Variants in NLRC4 observed in about 807,000 individuals in gnomAD.
NLRC4 encodes NLR family CARD domain containing 4.
Under a neutral mutation model 79.9 loss-of-function variants are expected in NLRC4, and 63 were observed. That is an observed-to-expected ratio of 0.79 (90% CI 0.64 to 0.97). The LOEUF is 0.97. Among genes scored for constraint, NLRC4 ranks in the 50% least tolerant of loss-of-function variants. NLRC4 has a pLI of 0.00. For missense variants in NLRC4, 1,074 were observed against 1,215.2 expected (o/e 0.88, Z 1.73); for synonymous variants, 461 against 456.5 (o/e 1.01, Z -0.12).
In NLRC4 at chr2:32,250,607, A is replaced by T. The variant is rs1192407746; in HGVS notation, c.1257T>A (p.Asp419Glu). ...AGAGGAGCCCAGTTGTCAGCAGGAC[A>T]TCCTCATTCACGCTGGACACATCCT... is the stretch of plus-strand genomic sequence containing the variant. Reference protein sequence around the residue: ...ELQDVSSVNEDVLLTTGLLCK... With the variant: ...ELQDVSSVNEEVLLTTGLLCK... The change falls in exon 4 of 9, where the codon GAT (aspartate) becomes GAA (glutamate). Residue 419 changes from aspartate (D) to glutamate (E), a missense_variant. Asp to Glu is a conservative substitution (Grantham distance 45). Coordinates refer to ENST00000402280, the MANE Select transcript of NLRC4 (RefSeq NM_001199138.2). The surrounding 1 kb of genome is among the most constrained non-coding windows in gnomAD (Gnocchi z 4.9). The T allele has an allele frequency of 1.2e-6, 2 of 1,614,194 alleles. No individual in the cohort carries two copies. Among genetic ancestry groups the T allele is most frequent in the Non-Finnish European group, 1.7e-6 (2 of 1,180,018 alleles).
chr2:32,263,939 C>T (rs1039429004), intron 1 of NLRC4, among the ~76,000 whole-genome samples: 2 of 152,130 alleles, frequency 1.3e-5, no homozygotes, highest in Non-Finnish European at 2.9e-5. Context: ...CCTCTCAAAG[C>T]CAGGCTGCAA....
chr2:32,236,428 T>C, intron 6 of NLRC4, 89 bp from the exon 7 acceptor site: 1 of 744,790 alleles, frequency 1.3e-6, no homozygotes, highest in Admixed American at 2.8e-5. Flanking sequence ...CTGAGTTTTA[T>C]CTTCTCTGCT....
In NLRC4 at chr2:32,252,474, A is replaced by G. The variant is rs780364474; in HGVS notation, c.207T>C (p.Phe69=). 2.0e-5 allele frequency: 33 copies of G among 1,610,996 alleles called. No homozygotes were observed. In the South Asian group the frequency reaches 3.5e-4, roughly 17 times the overall value. Residue 69 remains phenylalanine, a synonymous_variant, in exon 3 of 9, where the codon TTT becomes TTC. Transcript: ENST00000402280. The stretch of plus-strand genomic sequence containing the variant: ...AGTTCCACTCCTTAAGGGATTTAAG[A>G]AAGAGGTTACAGGACTCTGAACCCT... ...LKKGSESCNL[F]LKSLKEWNYP...
chr2:32,249,526 T>G, intron 4 of NLRC4, 81 bp downstream of exon 4: 1 of 1,133,650 alleles, frequency 8.8e-7, no homozygotes. Flanking sequence ...AGAAATAAAG[T>G]CTCCTCTCTC....
intron 6 of NLRC4, 71 bp downstream of exon 6, chr2:32,238,061 T>G: frequency 9.4e-7 from 1 of 1,065,236 alleles, no homozygotes; most frequent in Non-Finnish European, 1.3e-6. Context: ...AGACATTTAG[T>G]GTGAATTAGT....
chr2:32,241,551 T>G (rs906076149), intron 4 of NLRC4, among the ~76,000 whole-genome samples: 1 of 151,928 alleles, frequency 6.6e-6, no homozygotes, highest in East Asian at 1.9e-4. Context: ...TAATTTTTTT[T>G]GTATTTTTAG....
rs758721595 is a variant in NLRC4, at chr2:32,250,385, G to A, written c.1479C>T (p.Tyr493=). Residue 493 remains tyrosine (Y), a synonymous_variant, in exon 4 of 9, where the codon TAC becomes TAT. Coordinates refer to ENST00000402280, the MANE Select transcript of NLRC4 (RefSeq NM_001199138.2). The surrounding 1 kb of genome is among the most constrained non-coding windows in gnomAD (Gnocchi z 4.9). ...ITSTYSSLLR[Y]TCGSSVEATR... ...TGGCTTCCACAGATGACCCACAGGT[G>A]TACCGGAGCAGGCTGCTATAAGTGG... 4.3e-6 allele frequency: 7 copies of A among 1,614,078 alleles called. No individual in the cohort carries two copies. In the East Asian group the frequency reaches 1.3e-4, roughly 31 times the overall value.
chr2:32,240,790 G>A (rs781570232), intron 5 of NLRC4, among the ~76,000 whole-genome samples: 1 of 152,128 alleles, frequency 6.6e-6, no homozygotes, highest in Non-Finnish European at 1.5e-5. Flanking sequence ...CAGGGAGACG[G>A]AAGTTAAAAA....
intron 8 of NLRC4, among the ~76,000 whole-genome samples, 200 bp downstream of exon 8, chr2:32,235,201 G>T (rs544797165): frequency 6.6e-6 from 1 of 152,056 alleles, no homozygotes; most frequent in African/African-American, 2.4e-5. Flanking sequence ...ATTTAATTCT[G>T]TAGGTAAAGG....
chr2:32,240,319 G>C (rs573314618), intron 5 of NLRC4, among the ~76,000 whole-genome samples: 1 of 151,214 alleles, frequency 6.6e-6, no homozygotes, highest in Non-Finnish European at 1.5e-5. Context: ...GTTGTCTTTC[G>C]GCAGGAAGCA....
intron 1 of NLRC4, among the ~76,000 whole-genome samples, chr2:32,261,316 C>CCTTTTTTTTTTTTTTTTTT: frequency 5.2e-5 from 5 of 96,884 alleles, no homozygotes; most frequent in African/African-American, 1.2e-4. Flanking sequence ...AGCCTCCCCC[C>CCTTTTTTTTTTTTTTTTTT]TTTTGTTTTT....
chr2:32,242,905 A>G (rs574094747), intron 4 of NLRC4, among the ~76,000 whole-genome samples: 1 of 152,080 alleles, frequency 6.6e-6, no homozygotes, highest in South Asian at 2.1e-4. Flanking sequence ...TAAATTACCC[A>G]GGTGTGGTGG....
chr2:32,253,191 C>G (rs1687122548), intron 2 of NLRC4, among the ~76,000 whole-genome samples: 1 of 151,634 alleles, frequency 6.6e-6, no homozygotes, highest in African/African-American at 2.4e-5. Flanking sequence ...GCTGTGTCAC[C>G]CAGGCTGGAG....
intron 8 of NLRC4, among the ~76,000 whole-genome samples, chr2:32,225,666 C>T (rs1259206527): frequency 6.6e-6 from 1 of 152,216 alleles, no homozygotes; most frequent in African/African-American, 2.4e-5. Context: ...ACCCACCTAC[C>T]TGGCCCTTTC....
rs770290700 is a variant in NLRC4, at chr2:32,251,035, C to T, written c.829G>A (p.Val277Ile). 1.4e-5 allele frequency: 22 copies of T among 1,614,022 alleles called. No individual in the cohort carries two copies. Among genetic ancestry groups the T allele is most frequent in the East Asian group, 4.5e-5 (2 of 44,892 alleles). The stretch of plus-strand genomic sequence containing the variant: ...CTCAGGCACTCAGTGGTAGTGGTGA[C>T]GATGACCATGTTCTTGAAGCGGTGG... The part of the protein sequence containing the change: ...ENHRFKNMVI[V>I]TTTTECLRHI... Residue 277 changes from valine (V) to isoleucine (I), a missense_variant, in exon 4 of 9, where the codon GTC becomes ATC. Physicochemically the swap from Val to Ile is conservative, Grantham distance 29 (BLOSUM62 3). Transcript: ENST00000402280.
intron 8 of NLRC4, among the ~76,000 whole-genome samples, chr2:32,227,903 GA>G (rs1686441651): frequency 6.6e-6 from 1 of 152,136 alleles, no homozygotes; most frequent in South Asian, 2.1e-4. Flanking sequence ...GGCTTGATTG[GA>G]ATTCCAGGAA....
chr2:32,233,142 AAGGAAGGAAGGAAGGAAGG>A (rs1558446941), intron 8 of NLRC4, among the ~76,000 whole-genome samples: 1 of 11,990 alleles, frequency 8.3e-5, no homozygotes, highest in Non-Finnish European at 1.5e-4. Flanking sequence ...GGGAGGAAGG[AAGGAAGGAAGGAAGGAAGG>A]AAGGAAGGAA....
In NLRC4 at chr2:32,260,864, A is replaced by G. The variant is rs1687325798; in HGVS notation, c.-119+3874T>C. On this transcript the variant is annotated intron_variant, in intron 1 of 8. Coordinates refer to ENST00000402280, the MANE Select transcript of NLRC4 (RefSeq NM_001199138.2). Reference sequence around the variant, plus strand: ...CTGACCAATCTCTCAGTCCCTATGTATATCAGACACCACCTTCTCAAGTTC... The same window carrying G: ...CTGACCAATCTCTCAGTCCCTATGTGTATCAGACACCACCTTCTCAAGTTC... Among the ~76,000 whole-genome samples the G allele has an allele frequency of 2.0e-5, 3 of 152,132 alleles. No individual in the cohort carries two copies. In the South Asian group the frequency reaches 6.2e-4, roughly 32 times the overall value.
Position 32,250,712 on chromosome 2 carries a change from A to G in NLRC4, c.1152T>C (p.Ser384=), listed in dbSNP as rs1350576748. 1 of 1,614,188 alleles carries G rather than the reference A, an allele frequency of 6.2e-7. No homozygotes were observed. Among genetic ancestry groups the G allele is most frequent in the Non-Finnish European group, 8.5e-7 (1 of 1,180,018 alleles). ...AGTGGTCCAGGCTCCGAATGAAGTCACTTGCAGCCACACCTTTATGTTTGT... is the reference window on the plus strand; with the variant it reads ...AGTGGTCCAGGCTCCGAATGAAGTCGCTTGCAGCCACACCTTTATGTTTGT... The part of the protein sequence containing the change: ...NKHKHKGVAA[S]DFIRSLDHCG... The change falls in exon 4 of 9, where the codon AGT becomes AGC. Residue 384 remains serine (S), a synonymous_variant. Transcript: ENST00000402280. The surrounding 1 kb of genome is among the most constrained non-coding windows in gnomAD (Gnocchi z 4.9).
Sources: allele counts gnomAD v4.1 joint callset (sites outside exome capture counted in the v4.1 genomes callset), GRCh38; gene constraint gnomAD v4.1.1; non-coding constraint Gnocchi (gnomAD v3.1); transcripts MANE v1.5; gene names NCBI Gene and HGNC (gene_info 2026-07-23, HGNC 2026-07-21).